Variants in TPRG1 observed in about 807,000 individuals in gnomAD.
TPRG1 encodes the protein tumor protein p63-regulated gene 1 protein.
Under a neutral mutation model 29.3 loss-of-function variants are expected in TPRG1, and 29 were observed. The ratio of observed to expected loss-of-function variants is 0.99; its 90% CI spans 0.74 to 1.35. The LOEUF (loss-of-function observed/expected upper bound fraction) is 1.35, where lower values mean the gene tolerates loss of function less well. TPRG1 is among the 40% of genes most tolerant of loss of function. The pLI, the probability that TPRG1 is intolerant of heterozygous loss-of-function variation, is 0.00. For synonymous variants in TPRG1, 130 were observed against 116.8 expected (o/e 1.11, Z -0.73); for missense variants, 327 against 335.0 (o/e 0.98, Z 0.19).
At chr3:189,229,726 G>T (rs1394475381) in intron 3 of TPRG1, among the ~76,000 whole-genome samples, 1 of 152,188 alleles carries the variant, frequency 6.6e-6, no homozygotes, top group Non-Finnish European at 1.5e-5. Flanking sequence ...TTTGCTCCTT[G>T]TGTCTTTCCA....
intron 4 of TPRG1, among the ~76,000 whole-genome samples, chr3:189,264,893 C>T (rs922358047): frequency 6.6e-6 from 1 of 152,176 alleles, no homozygotes; most frequent in African/African-American, 2.4e-5. Flanking sequence ...CAATTCATAA[C>T]ATTCAGCATA....
intron 4 of TPRG1, among the ~76,000 whole-genome samples, chr3:189,032,899 C>A (rs574624957): frequency 6.6e-6 from 1 of 151,828 alleles, no homozygotes; most frequent in African/African-American, 2.4e-5. Flanking sequence ...TTTCCAATTT[C>A]ATCCATGTCC....
chr3:189,100,835 C>T (rs758772392), intron 1 of TPRG1, among the ~76,000 whole-genome samples: 11 of 152,132 alleles, frequency 7.2e-5, no homozygotes, highest in African/African-American at 1.4e-4. Context: ...GGGGCCACTG[C>T]GGCTTCCACC....
At chr3:189,045,712 T>G (rs1714934192) in intron 4 of TPRG1, among the ~76,000 whole-genome samples, 1 of 152,228 alleles carries the variant, frequency 6.6e-6, no homozygotes, top group Admixed American at 6.5e-5. Flanking sequence ...ATATTTACAC[T>G]GAAAGAAATT....
chr3:189,192,647 G>C (rs1198335125), intron 1 of TPRG1, among the ~76,000 whole-genome samples: 2 of 152,106 alleles, frequency 1.3e-5, no homozygotes, highest in African/African-American at 2.4e-5. Context: ...ATTGCTTTCT[G>C]GTTGTTTTGT....
chr3:189,002,703 T>A (rs1453704354), intron 2 of TPRG1, among the ~76,000 whole-genome samples: 1 of 152,192 alleles, frequency 6.6e-6, no homozygotes, highest in Non-Finnish European at 1.5e-5. Context: ...ACATCTTTTA[T>A]GTCTGCAGAC....
chr3:189,039,623 G>A (rs560033274), intron 4 of TPRG1, among the ~76,000 whole-genome samples: 34 of 152,256 alleles, frequency 2.2e-4, no homozygotes, highest in African/African-American at 7.5e-4. Context: ...TGAAAAGAAA[G>A]CAATTTCATA....
intron 2 of TPRG1, among the ~76,000 whole-genome samples, chr3:189,003,972 C>T (rs553658431): frequency 6.6e-6 from 1 of 152,172 alleles, no homozygotes; most frequent in South Asian, 2.1e-4. Flanking sequence ...ATGGCCCTTG[C>T]CCCTGATTAA....
At chr3:189,087,415 C>T (rs1718024950) in intron 4 of TPRG1, among the ~76,000 whole-genome samples, 1 of 151,988 alleles carries the variant, frequency 6.6e-6, no homozygotes, top group African/African-American at 2.4e-5. Flanking sequence ...AGCCCTTTGT[C>T]AGATGAGTAG....
chr3:189,149,027 C>A (rs535562105), intron 4 of TPRG1, among the ~76,000 whole-genome samples: 3 of 152,206 alleles, frequency 2.0e-5, no homozygotes, highest in South Asian at 2.1e-4. Context: ...TTAGCACCAG[C>A]TTCGTCCTAT....
chr3:189,215,094 T>C (rs911970461), intron 2 of TPRG1, among the ~76,000 whole-genome samples, 198 bp from the exon 3 acceptor site: 3 of 152,046 alleles, frequency 2.0e-5, no homozygotes, highest in Non-Finnish European at 2.9e-5. Flanking sequence ...CTAGATCACT[T>C]TTTCTCTACC....
intron 4 of TPRG1, among the ~76,000 whole-genome samples, chr3:189,030,761 T>C (rs1167366057): frequency 1.3e-5 from 2 of 152,198 alleles, no homozygotes; most frequent in Non-Finnish European, 2.9e-5. Context: ...CCATATGTCA[T>C]GCTTCTTAAC....
At chr3:189,273,244 C>A (rs1715530110) in intron 4 of TPRG1, among the ~76,000 whole-genome samples, 1 of 152,154 alleles carries the variant, frequency 6.6e-6, no homozygotes, top group Admixed American at 6.5e-5. Context: ...CCAGAGCTAA[C>A]ATTTTTCTTT....
At chr3:189,016,289 C>A (rs180908323) in intron 3 of TPRG1, among the ~76,000 whole-genome samples, 53 of 152,200 alleles carry the variant, frequency 3.5e-4, no homozygotes, top group Non-Finnish European at 7.1e-4. Context: ...TGGCCAATTC[C>A]TTCCATTTGG....
intron 1 of TPRG1, among the ~76,000 whole-genome samples, chr3:189,203,583 G>A (rs912611430): frequency 3.3e-5 from 5 of 152,168 alleles, no homozygotes; most frequent in African/African-American, 1.2e-4. Context: ...GAATGCCTGT[G>A]TAATACCAGT....
chr3:189,092,119 G>C lies in TPRG1; in HGVS notation c.-462-34938G>C, dbSNP rs139739901. ...GGATCTTTTCACTCACTATTTTTCA[G>C]TTCAGAGATATCTATTTCTACTTTG... is the stretch of plus-strand genomic sequence containing the variant. On this transcript the variant is annotated intron_variant, in intron 4 of 10. Coordinates refer to the TPRG1 transcript ENST00000433971. Among the ~76,000 whole-genome samples, 403 of 152,192 alleles carry C rather than the reference G, an allele frequency of 2.6e-3. 6 individuals are homozygous for C. The highest frequency in any genetic ancestry group is 0.024 in the Admixed American group (362 of 15,292).
intron 4 of TPRG1, among the ~76,000 whole-genome samples, chr3:189,071,061 G>GAAAAAGAAAAAA (rs1446326315): frequency 2.7e-4 from 19 of 70,022 alleles, no homozygotes; most frequent in Non-Finnish European, 3.1e-5. Context: ...AAAAGCCAAA[G>GAAAAAGAAAAAA]AAAAAGAAAA....
intron 1 of TPRG1, among the ~76,000 whole-genome samples, chr3:189,206,807 C>CTGTGTGTGTGTGTGTG (rs1560551111): frequency 5.0e-5 from 3 of 60,590 alleles, no homozygotes; most frequent in Middle Eastern, 7.1e-3. Context: ...AGCTGAACAA[C>CTGTGTGTGTGTGTGTG]CGTGTGTGTG....
At chr3:189,268,828 C>A (rs550478480) in intron 4 of TPRG1, among the ~76,000 whole-genome samples, 1 of 152,200 alleles carries the variant, frequency 6.6e-6, no homozygotes, top group African/African-American at 2.4e-5. Flanking sequence ...TTTTCTGGAA[C>A]CTGAAGCACC....
Sources: allele counts gnomAD v4.1 joint callset (sites outside exome capture counted in the v4.1 genomes callset), GRCh38; gene constraint gnomAD v4.1.1; transcripts MANE v1.5; gene names NCBI Gene and HGNC (gene_info 2026-07-23, HGNC 2026-07-21).